Variants in SGCG observed in about 807,000 individuals in gnomAD.
The protein encoded by SGCG is gamma-sarcoglycan.
Under a neutral mutation model 29.3 loss-of-function variants are expected in SGCG, and 26 were observed. That is an observed-to-expected ratio of 0.89 (90% CI 0.65 to 1.23). The LOEUF (loss-of-function observed/expected upper bound fraction) is 1.23. SGCG is among the 50% of genes most tolerant of loss of function. The pLI is 0.00. For synonymous variants in SGCG, 145 were observed against 129.7 expected (o/e 1.12, Z -0.80); for missense variants, 353 against 356.0 (o/e 0.99, Z 0.07).
chr13:23,220,907 C>T (rs897601325), intron 2 of SGCG, among the ~76,000 whole-genome samples: 1 of 152,132 alleles, frequency 6.6e-6, no homozygotes, highest in Non-Finnish European at 1.5e-5. Context: ...CTTTAACCTT[C>T]CCGCTAAATC....
chr13:23,265,782 C>T (rs926510037), intron 4 of SGCG, among the ~76,000 whole-genome samples: 2 of 151,996 alleles, frequency 1.3e-5, no homozygotes, highest in East Asian at 1.9e-4. Context: ...GATGTTGATA[C>T]GAATGTGGTG....
At chr13:23,318,258 C>A (rs1476848545) in intron 6 of SGCG, among the ~76,000 whole-genome samples, 2 of 151,384 alleles carry the variant, frequency 1.3e-5, no homozygotes, top group East Asian at 1.9e-4. Context: ...CTCTAGGGAA[C>A]CCTGACTAAT....
upstream of SGCG, among the ~76,000 whole-genome samples, chr13:23,180,033 C>T (rs775757070): frequency 2.0e-5 from 3 of 152,082 alleles, no homozygotes; most frequent in Admixed American, 6.6e-5. Flanking sequence ...TTCTCCCTCC[C>T]TCCTTCCTCA....
At position 23,279,431 on chromosome 13, in the gene SGCG, T is replaced by A; in HGVS notation, c.458T>A (p.Val153Glu). The change falls in exon 5 of 8, where the codon GTA becomes GAA. Residue 153 changes from valine to glutamate, a missense_variant. Val to Glu is a moderately radical substitution (Grantham distance 121). Coordinates refer to ENST00000218867, the MANE Select transcript of SGCG (RefSeq NM_000231.3). ...NSNDGKPLFT[V>E]DEKEVVVGTD... Reference sequence around the variant, plus strand: ...AACGACGGCAAGCCACTATTTACTGTAGATGAGAAGGAAGTTGTGGTTGGT... The same window carrying A: ...AACGACGGCAAGCCACTATTTACTGAAGATGAGAAGGAAGTTGTGGTTGGT... 6.2e-7 allele frequency: 1 copy of A among 1,613,362 alleles called. No homozygotes were observed. Among genetic ancestry groups the A allele is most frequent in the Non-Finnish European group, 8.5e-7 (1 of 1,179,394 alleles).
intron 2 of SGCG, among the ~76,000 whole-genome samples, chr13:23,209,828 A>G (rs975849257): frequency 6.6e-6 from 1 of 152,208 alleles, no homozygotes; most frequent in Non-Finnish European, 1.5e-5. Flanking sequence ...AAAAGCATCT[A>G]TATTGTTTAA....
At chr13:23,245,831 G>A (rs147313106) in intron 3 of SGCG, 6 of 152,228 alleles carry the variant, frequency 3.9e-5, no homozygotes, top group African/African-American at 9.6e-5. Context: ...GTGATTGAGC[G>A]CCCCTCTTTA....
intron 1 of SGCG, among the ~76,000 whole-genome samples, chr13:23,193,731 G>C (rs1877373494): frequency 6.6e-6 from 1 of 152,180 alleles, no homozygotes; most frequent in Admixed American, 6.5e-5. Flanking sequence ...TTAGAGTAGA[G>C]AGTTCAGAGA....
At chr13:23,296,469 C>T (rs914553220) in intron 6 of SGCG, among the ~76,000 whole-genome samples, 2 of 152,198 alleles carry the variant, frequency 1.3e-5, no homozygotes, top group Non-Finnish European at 2.9e-5. Flanking sequence ...TTTTAGTGTA[C>T]AGTTCAGTAG....
At chr13:23,174,826 T>C in the SGCG span, among the ~76,000 whole-genome samples, 6 of 152,220 alleles carry the variant, frequency 3.9e-5, no homozygotes, top group Non-Finnish European at 7.3e-5. Flanking sequence ...CATTTTTATT[T>C]TTTTAATCAA....
In SGCG at chr13:23,212,382, G is replaced by A. The variant is rs543905708; in HGVS notation, c.195+8493G>A. ...ACTCGGACTTATTTTTCCCAGCATA[G>A]CACACCACAATTTTCTGGTTGTTAA... On this transcript the variant is annotated intron_variant, in intron 2 of 7. Coordinates refer to ENST00000218867, the MANE Select transcript of SGCG (RefSeq NM_000231.3). 3.3e-3 allele frequency among the ~76,000 whole-genome samples: 305 copies of A among 92,806 alleles called. 1 individual carries two copies. The highest frequency in any genetic ancestry group is 0.013 in the African/African-American group (291 of 22,560). The allele number at this position is 92,806 out of a possible 152,430, so 60.9% of individuals were successfully genotyped here.
Position 23,265,585 on chromosome 13 carries a change from T to A in SGCG, c.386-13774T>A, listed in dbSNP as rs556383659. Among the ~76,000 whole-genome samples, 42 of 151,612 alleles carry A rather than the reference T, an allele frequency of 2.8e-4. 1 individual carries two copies. The highest frequency in any genetic ancestry group is 8.3e-4 in the South Asian group (4 of 4,800). The stretch of plus-strand genomic sequence containing the variant: ...GAGTGAGACTCCGTCTCAAAAAAAA[T>A]AAATAAATAAAATAAGTAGGCAAAA... On this transcript the variant is annotated intron_variant, in intron 4 of 7. Transcript: ENST00000218867.
chr13:23,198,845 C>CAA (rs34460964), intron 1 of SGCG, among the ~76,000 whole-genome samples: 3,062 of 111,400 alleles, frequency 0.027, 99 homozygotes, highest in East Asian at 0.17. Context: ...GACTCCATCT[C>CAA]AAAAAAAAAA....
intron 3 of SGCG, among the ~76,000 whole-genome samples, chr13:23,236,211 G>C (rs963842536): frequency 3.3e-5 from 5 of 152,164 alleles, no homozygotes; most frequent in African/African-American, 1.2e-4. Flanking sequence ...TGTAAAAGGG[G>C]AAGTCAGACA....
intron 6 of SGCG, among the ~76,000 whole-genome samples, chr13:23,299,560 C>A (rs1441321351): frequency 6.7e-6 from 1 of 148,660 alleles, no homozygotes; most frequent in Non-Finnish European, 1.5e-5. Context: ...TCACACCATT[C>A]TCCTGCCTCA....
intron 5 of SGCG, among the ~76,000 whole-genome samples, chr13:23,290,269 A>G (rs1192907970): frequency 2.0e-5 from 3 of 152,206 alleles, no homozygotes; most frequent in African/African-American, 7.2e-5. Flanking sequence ...TGGGCATGTG[A>G]GTTAGCTACT....
intron 2 of SGCG, among the ~76,000 whole-genome samples, chr13:23,205,056 GAT>G (rs1877934840): frequency 6.6e-6 from 1 of 151,708 alleles, no homozygotes; most frequent in African/African-American, 2.4e-5. Flanking sequence ...AATCAATATA[GAT>G]ATATGATATA....
intron 4 of SGCG, among the ~76,000 whole-genome samples, chr13:23,278,556 G>A (rs1439306189): frequency 6.6e-6 from 1 of 152,146 alleles, no homozygotes; most frequent in Admixed American, 6.5e-5. Flanking sequence ...TGAGGCCTGG[G>A]TTAGAAAGTG....
In SGCG at chr13:23,320,562, A is replaced by G. The variant is rs191804385; in HGVS notation, c.579-75A>G. The G allele has an allele frequency of 6.0e-5, 75 of 1,258,458 alleles. No homozygotes were observed. The African/African-American group carries it at 1.0e-3, about 17-fold the overall frequency. 78.0% of individuals were successfully genotyped at this position (1,258,458 alleles called of 1,614,324 possible). On this transcript the variant is annotated intron_variant, in intron 6 of 7. Transcript: ENST00000218867. ...TCTTACTAGTTATATTTCCCATGCT[A>G]AGTTGAGGGATTGCTGGAGTGGCTA...
In SGCG at chr13:23,208,345, T is replaced by G. The variant is rs141684313; in HGVS notation, c.195+4456T>G. ...CTGTCATTGCAACACCTCATCATAC[T>G]TTAATGTTTCACTGTAGAAAACAGT... On this transcript the variant is annotated intron_variant, in intron 2 of 7. Coordinates refer to ENST00000218867, the MANE Select transcript of SGCG (RefSeq NM_000231.3). Among the ~76,000 whole-genome samples, 57 of 152,280 alleles carry G rather than the reference T, an allele frequency of 3.7e-4. No homozygotes were observed. The East Asian group carries it at 9.8e-3, about 26-fold the overall frequency.
Sources: gnomAD v4.1 joint callset for allele counts (sites outside exome capture counted in the v4.1 genomes callset) on GRCh38, gnomAD v4.1.1 for gene constraint, MANE v1.5 for transcripts, NCBI Gene and HGNC (gene_info 2026-07-23, HGNC 2026-07-21) for gene names.